Variants in RABGAP1L observed in about 807,000 individuals in gnomAD.
RABGAP1L encodes the protein RAB GTPase activating protein 1 like.
A neutral mutation model predicts 137.7 loss-of-function variants in RABGAP1L; 63 were observed. The observed-to-expected ratio is 0.46, with a 90% CI of 0.37 to 0.56. RABGAP1L has a LOEUF of 0.56. Ranked by LOEUF, RABGAP1L falls within the 20% of genes least tolerant of loss-of-function variation. The pLI is 0.00. For synonymous variants in RABGAP1L, 431 were observed against 433.7 expected, an observed-to-expected ratio of 0.99 and a Z score of 0.08; for missense variants, 1,095 against 1,244.0, an observed-to-expected ratio of 0.88 and a Z score of 1.80.
chr1:174,305,593 C>T lies in RABGAP1L; in HGVS notation c.1465+466C>T, dbSNP rs554606990. On this transcript the variant is annotated intron_variant, in intron 11 of 25. Transcript: ENST00000681986. ...TAGAGATGGGGTTTCGCCATGTTGG[C>T]CAGGCTTGTCTCAAACTCCTGACCT... Among the ~76,000 whole-genome samples, 7 of 151,986 alleles carry T rather than the reference C, an allele frequency of 4.6e-5. No individual in the cohort carries two copies. In the South Asian group the frequency reaches 1.5e-3, roughly 32 times the overall value.
Position 174,897,957 on chromosome 1 carries a change from TG to T in RABGAP1L, c.2341-59499del, listed in dbSNP as rs1483709688. On this transcript the variant is annotated intron_variant, in intron 19 of 25. Coordinates refer to ENST00000681986, the MANE Select transcript of RABGAP1L (RefSeq NM_001366446.1). ...TCACATCACTGGACTCCAGCCTGGA[TG>T]ACAGAGTGAGACTCCATCTCAAAAA... 3 of 129,302 alleles carry T rather than the reference TG, an allele frequency of 2.3e-5. No individual in the cohort carries two copies. In the East Asian group the frequency reaches 6.3e-4, roughly 27 times the overall value. The allele number at this position is 129,302 out of a possible 1,614,324, so 8.0% of individuals were successfully genotyped here. A position where few individuals can be genotyped will look rare whatever the true frequency, so the allele number is the denominator to read the frequency against.
At chr1:174,747,383 CAGAGT>C (rs1201158157) in intron 17 of RABGAP1L, among the ~76,000 whole-genome samples, 1 of 112,572 alleles carries the variant, frequency 8.9e-6, no homozygotes, top group Non-Finnish European at 1.7e-5. Flanking sequence ...GCTTGTGTGA[CAGAGT>C]GAAATTCTAT....
chr1:174,459,760 G>C (rs1225397316), intron 13 of RABGAP1L, among the ~76,000 whole-genome samples: 1 of 152,050 alleles, frequency 6.6e-6, no homozygotes, highest in Non-Finnish European at 1.5e-5. Context: ...ATGGAGGACT[G>C]ACTGTATATG....
intron 18 of RABGAP1L, among the ~76,000 whole-genome samples, chr1:174,788,025 G>A (rs916715787): frequency 2.0e-5 from 3 of 152,300 alleles, no homozygotes; most frequent in African/African-American, 7.2e-5. Context: ...CTGCTAAAAT[G>A]TGTGCTTTAT....
chr1:174,909,468 C>T (rs1573779968), intron 19 of RABGAP1L, among the ~76,000 whole-genome samples: 1 of 152,156 alleles, frequency 6.6e-6, no homozygotes, highest in Non-Finnish European at 1.5e-5. Context: ...CTCAAGCTAT[C>T]CTCTCACTTT....
chr1:174,638,012 G>C (rs1408366661), intron 14 of RABGAP1L, among the ~76,000 whole-genome samples: 1 of 152,042 alleles, frequency 6.6e-6, no homozygotes, highest in African/African-American at 2.4e-5. Context: ...CCTGTTTCCT[G>C]ATTTTCAGTA....
intron 19 of RABGAP1L, among the ~76,000 whole-genome samples, chr1:174,815,242 A>T (rs1690276036): frequency 6.6e-6 from 1 of 152,178 alleles, no homozygotes; most frequent in Non-Finnish European, 1.5e-5. Flanking sequence ...GATGTGAGTC[A>T]TCATGCCATC....
intron 13 of RABGAP1L, among the ~76,000 whole-genome samples, chr1:174,404,816 A>G (rs1214987004): frequency 6.6e-6 from 1 of 152,212 alleles, no homozygotes; most frequent in Admixed American, 6.6e-5. Flanking sequence ...AAAAAGGGCA[A>G]TAGTTGCAAA....
intron 14 of RABGAP1L, 63 bp downstream of exon 14, chr1:174,637,551 T>G: frequency 8.0e-7 from 1 of 1,247,324 alleles, no homozygotes; most frequent in South Asian, 1.2e-5. Flanking sequence ...GAAACCCATT[T>G]AAGGATTTTT....
chr1:174,389,318 G>A (rs914851954), intron 12 of RABGAP1L, among the ~76,000 whole-genome samples: 3 of 151,462 alleles, frequency 2.0e-5, no homozygotes, highest in East Asian at 2.0e-4. Context: ...AATAGGTCAT[G>A]CTGCTGGTGT....
rs1669721115 is a variant in RABGAP1L, at chr1:174,221,139, G to A, written c.306G>A (p.Gln102=). 3.1e-6 allele frequency: 5 copies of A among 1,611,670 alleles called. No individual in the cohort carries two copies. The highest frequency in any genetic ancestry group is 4.2e-6 in the Non-Finnish European group (5 of 1,178,698). The change falls in exon 3 of 26, where the codon CAG becomes CAA. Residue 102 remains glutamine (Q), a synonymous_variant. Coordinates refer to ENST00000681986, the MANE Select transcript of RABGAP1L (RefSeq NM_001366446.1). ...GCCAAACAAATAAGCCATCTCTTCA[G>A]TTAATTTTGGATCCGTCTAACACAG... ...PASQTNKPSL[Q]LILDPSNTEI...
At chr1:174,415,440 C>T (rs1210433121) in intron 13 of RABGAP1L, among the ~76,000 whole-genome samples, 2 of 150,984 alleles carry the variant, frequency 1.3e-5, no homozygotes, top group Admixed American at 6.6e-5. Flanking sequence ...TTTTTTTTTC[C>T]ATAGGAGAGA....
chr1:174,954,126 T>C (rs1167319328), intron 19 of RABGAP1L: 1 of 152,192 alleles, frequency 6.6e-6, no homozygotes, highest in Non-Finnish European at 1.5e-5. Context: ...AAAGATGGTT[T>C]AAAAACTGAA....
At chr1:174,748,424 C>CA (rs754542902) in intron 17 of RABGAP1L, among the ~76,000 whole-genome samples, 5 of 152,022 alleles carry the variant, frequency 3.3e-5, no homozygotes, top group Non-Finnish European at 7.4e-5. Context: ...ATATGTAAAC[C>CA]AAAAACATCT....
intron 18 of RABGAP1L, among the ~76,000 whole-genome samples, chr1:174,807,325 A>G (rs1689408063): frequency 6.6e-6 from 1 of 152,242 alleles, no homozygotes; most frequent in Non-Finnish European, 1.5e-5. Context: ...ATACACATAC[A>G]TATGTACGAA....
intron 17 of RABGAP1L, among the ~76,000 whole-genome samples, chr1:174,728,279 C>G (rs1018464873): frequency 1.3e-5 from 2 of 152,090 alleles, no homozygotes; most frequent in Non-Finnish European, 2.9e-5. Flanking sequence ...AGTAACGTTT[C>G]AGGTTACAAA....
intron 13 of RABGAP1L, among the ~76,000 whole-genome samples, chr1:174,515,038 C>G (rs146834223): frequency 1.3e-3 from 201 of 152,150 alleles, no homozygotes; most frequent in Non-Finnish European, 2.5e-3. Context: ...GAAAAAGTTA[C>G]TATTTTCCAG....
intron 13 of RABGAP1L, among the ~76,000 whole-genome samples, chr1:174,632,993 T>G (rs1673561131): frequency 6.6e-6 from 1 of 152,136 alleles, no homozygotes; most frequent in Non-Finnish European, 1.5e-5. Context: ...TTCCAGTTTT[T>G]CTGTTCTGTT....
chr1:174,175,442 T>TTG (rs1393082689), intron 1 of RABGAP1L, among the ~76,000 whole-genome samples: 1 of 152,092 alleles, frequency 6.6e-6, no homozygotes, highest in Admixed American at 6.6e-5. Flanking sequence ...ACTAATCACA[T>TTG]TGTATTGCAA....
Sources: allele counts gnomAD v4.1 joint callset (sites outside exome capture counted in the v4.1 genomes callset), GRCh38; gene constraint gnomAD v4.1.1; transcripts MANE v1.5; gene names NCBI Gene and HGNC (gene_info 2026-07-23, HGNC 2026-07-21).